The following PLXNA4 variants were observed in gnomAD, a reference collection of about 807,000 sequenced individuals.
PLXNA4 encodes plexin A4.
A neutral mutation model predicts 191.8 loss-of-function variants in PLXNA4; 44 were observed. The observed-to-expected ratio is 0.23, with a 90% CI of 0.18 to 0.29. The LOEUF (loss-of-function observed/expected upper bound fraction) is 0.29, where lower values mean the gene tolerates loss of function less well. Among genes scored for constraint, PLXNA4 ranks in the 10% least tolerant of loss-of-function variants. PLXNA4 has a pLI of 1.00. For missense variants in PLXNA4, 1,800 were observed against 2,488.8 expected (o/e 0.72, Z 5.89); for synonymous variants, 1,082 against 1,009.5 (o/e 1.07, Z -1.36).
At chr7:132,298,568 G>A (rs1166197894) in intron 3 of PLXNA4, among the ~76,000 whole-genome samples, 1 of 152,212 alleles carries the variant, frequency 6.6e-6, no homozygotes, top group Non-Finnish European at 1.5e-5. Flanking sequence ...AATTGAAACT[G>A]CCTCAGATCA....
intron 2 of PLXNA4, among the ~76,000 whole-genome samples, chr7:132,621,259 G>GT (rs1563196994): frequency 1.3e-5 from 1 of 78,844 alleles, no homozygotes; most frequent in Non-Finnish European, 3.3e-5. Context: ...TTTTTTTTTT[G>GT]GTTTTTTTGT....
At chr7:132,279,608 C>T (rs1169125712) in intron 4 of PLXNA4, among the ~76,000 whole-genome samples, 1 of 151,864 alleles carries the variant, frequency 6.6e-6, no homozygotes, top group Non-Finnish European at 1.5e-5. Context: ...CGCACTCAGT[C>T]TGGGAGACAG....
intron 2 of PLXNA4, among the ~76,000 whole-genome samples, chr7:132,505,442 T>C (rs1358276423): frequency 1.3e-5 from 2 of 151,956 alleles, no homozygotes; most frequent in Non-Finnish European, 2.9e-5. Context: ...CAGGAAACTG[T>C]CAGAGATTGC....
intron 2 of PLXNA4, among the ~76,000 whole-genome samples, chr7:132,643,515 C>T (rs1803795037): frequency 1.3e-5 from 2 of 151,916 alleles, no homozygotes; most frequent in Non-Finnish European, 2.9e-5. Flanking sequence ...AAATTCCAGC[C>T]CAGTCTCAGA....
At chr7:132,563,269 ATCC>A (rs1183633033) in intron 1 of PLXNA4, among the ~76,000 whole-genome samples, 3 of 19,632 alleles carry the variant, frequency 1.5e-4, no homozygotes, top group Admixed American at 1.1e-3. Flanking sequence ...TCTCCTCTTC[ATCC>A]TCCTCCTCCT....
At chr7:132,558,337 T>C (rs1030484968) in intron 1 of PLXNA4, among the ~76,000 whole-genome samples, 10 of 152,252 alleles carry the variant, frequency 6.6e-5, no homozygotes, top group African/African-American at 1.9e-4. Context: ...TATTTGGTCA[T>C]GTGATATTCT....
intron 3 of PLXNA4, among the ~76,000 whole-genome samples, chr7:132,309,165 T>G (rs919388848): frequency 6.6e-6 from 1 of 152,134 alleles, no homozygotes; most frequent in Non-Finnish European, 1.5e-5. Flanking sequence ...TGAGTCTGCT[T>G]TAACTCAGGA....
intron 1 of PLXNA4, among the ~76,000 whole-genome samples, chr7:132,542,744 C>T (rs1025357678): frequency 1.3e-5 from 2 of 152,166 alleles, no homozygotes; most frequent in Non-Finnish European, 2.9e-5. Flanking sequence ...CATTAATTAT[C>T]TCTTCAGCTA....
chr7:132,179,480 C>T lies in PLXNA4; in HGVS notation c.3874+207G>A, dbSNP rs1007027953. On this transcript the variant is annotated intron_variant, in intron 20 of 31. Coordinates refer to ENST00000321063, the MANE Select transcript of PLXNA4 (RefSeq NM_020911.2). ...CCGGCCTGCTTGCTTGTATATGAAA[C>T]ATATATACATACAGATGTGCACACA... 1.3e-4 allele frequency among the ~76,000 whole-genome samples: 19 copies of T among 150,160 alleles called. No individual in the cohort carries two copies. The Middle Eastern group carries it at 0.01, about 82-fold the overall frequency.
intron 1 of PLXNA4, among the ~76,000 whole-genome samples, chr7:132,515,123 G>C (rs1798886203): frequency 1.6e-5 from 1 of 61,388 alleles, no homozygotes; most frequent in Non-Finnish European, 5.4e-5. Context: ...AGGGATACTA[G>C]GGGAGAAAGT....
intron 1 of PLXNA4, among the ~76,000 whole-genome samples, chr7:132,542,241 T>C (rs902698633): frequency 2.0e-5 from 3 of 152,206 alleles, no homozygotes; most frequent in Non-Finnish European, 4.4e-5. Context: ...AGGATTAATA[T>C]GGTTGACATT....
At chr7:132,530,591 G>A (rs1009156736) in intron 1 of PLXNA4, among the ~76,000 whole-genome samples, 7 of 152,332 alleles carry the variant, frequency 4.6e-5, no homozygotes, top group African/African-American at 1.7e-4. Context: ...AAAGTAACAA[G>A]TATTGGTGAA....
chr7:132,232,687 C>T (rs1050505841), intron 5 of PLXNA4, among the ~76,000 whole-genome samples: 1 of 152,172 alleles, frequency 6.6e-6, no homozygotes, highest in Non-Finnish European at 1.5e-5. Flanking sequence ...TCCCCTAAGC[C>T]TGAACTTTCA....
In PLXNA4 at chr7:132,153,862, A is replaced by C. The variant is rs141069520; in HGVS notation, c.4661-5216T>G. ...ACACATGTGCACATGCACCTTTTCC[A>C]CCAGGCTGGGGACCCTTCAGGCTTT... is the stretch of plus-strand genomic sequence containing the variant. On this transcript the variant is annotated intron_variant, in intron 25 of 31. Coordinates refer to ENST00000321063, the MANE Select transcript of PLXNA4 (RefSeq NM_020911.2). Among the ~76,000 whole-genome samples the C allele has an allele frequency of 4.7e-3, 719 of 152,146 alleles. 3 individuals are homozygous for C. The highest frequency in any genetic ancestry group is 7.5e-3 in the Non-Finnish European group (509 of 67,974).
intron 4 of PLXNA4, among the ~76,000 whole-genome samples, chr7:132,257,489 C>T (rs1278811395): frequency 6.6e-6 from 1 of 152,202 alleles, no homozygotes; most frequent in Non-Finnish European, 1.5e-5. Flanking sequence ...TGTCTGACTT[C>T]ATGAGACTTT....
At chr7:132,451,402 C>A (rs1433008914) in intron 3 of PLXNA4, among the ~76,000 whole-genome samples, 1 of 152,158 alleles carries the variant, frequency 6.6e-6, no homozygotes, top group African/African-American at 2.4e-5. Context: ...TCCCCTTCAC[C>A]ACCAAGAGCC....
chr7:132,166,507 T>C (rs1419043851), intron 22 of PLXNA4, among the ~76,000 whole-genome samples: 1 of 151,578 alleles, frequency 6.6e-6, no homozygotes, highest in African/African-American at 2.4e-5. Context: ...CATCCAGGTA[T>C]GTCTGGATAG....
chr7:132,523,342 T>C (rs1302402919), intron 1 of PLXNA4, among the ~76,000 whole-genome samples: 1 of 152,162 alleles, frequency 6.6e-6, no homozygotes, highest in Non-Finnish European at 1.5e-5. Context: ...GGTTTGTATC[T>C]CTGAGGTGAC....
At chr7:132,323,398 C>T (rs1802252236) in intron 3 of PLXNA4, among the ~76,000 whole-genome samples, 1 of 152,170 alleles carries the variant, frequency 6.6e-6, no homozygotes, top group Admixed American at 6.5e-5. Context: ...TCTAATCCTT[C>T]GAGTGATCTG....
Sources: gnomAD v4.1 joint callset for allele counts (sites outside exome capture counted in the v4.1 genomes callset) on GRCh38, gnomAD v4.1.1 for gene constraint, MANE v1.5 for transcripts, NCBI Gene and HGNC (gene_info 2026-07-23, HGNC 2026-07-21) for gene names.